Variants in PLCL2 observed in about 807,000 individuals in gnomAD.
The protein encoded by PLCL2 is phospholipase C like 2, also known as inactive phospholipase C-like protein 2.
A neutral mutation model predicts 79.6 loss-of-function variants in PLCL2; 4 were observed. The observed-to-expected ratio is 0.05, with a 90% CI of 0.02 to 0.11. The LOEUF (loss-of-function observed/expected upper bound fraction) is 0.11, where lower values mean the gene tolerates loss of function less well. Ranked by LOEUF, PLCL2 falls within the 10% of genes least tolerant of loss-of-function variation. PLCL2 has a pLI of 1.00. For missense variants in PLCL2, 895 were observed against 1,291.0 expected, an observed-to-expected ratio of 0.69 and a Z score of 4.70; for synonymous variants, 484 against 457.7, an observed-to-expected ratio of 1.06 and a Z score of -0.73.
intron 4 of PLCL2, among the ~76,000 whole-genome samples, chr3:17,045,804 A>G (rs1339578923): frequency 1.3e-5 from 2 of 152,362 alleles, no homozygotes; most frequent in Admixed American, 1.3e-4. Context: ...ACTTGACCTC[A>G]GAAAGGGAGA....
intron 1 of PLCL2, among the ~76,000 whole-genome samples, chr3:16,901,082 CT>C (rs1696606187): frequency 1.3e-5 from 2 of 152,218 alleles, no homozygotes; most frequent in Middle Eastern, 3.4e-3. Context: ...GAAAAATTAA[CT>C]GCTCCACTGC....
intron 1 of PLCL2, among the ~76,000 whole-genome samples, chr3:17,002,475 A>G (rs1011890104): frequency 6.6e-6 from 1 of 152,134 alleles, no homozygotes; most frequent in Non-Finnish European, 1.5e-5. Context: ...ATTTTTCCCC[A>G]TCATCTGAAC....
intron 1 of PLCL2, among the ~76,000 whole-genome samples, chr3:16,955,628 A>T (rs918046260): frequency 4.6e-5 from 7 of 152,250 alleles, no homozygotes; most frequent in African/African-American, 1.4e-4. Context: ...CAGTATGGCC[A>T]TTTTCACCAT....
At chr3:16,889,152 C>T (rs1330754747) in intron 1 of PLCL2, among the ~76,000 whole-genome samples, 8 of 152,154 alleles carry the variant, frequency 5.3e-5, no homozygotes, top group African/African-American at 1.4e-4. Flanking sequence ...ATGCAAAACA[C>T]GTGAAAAGTG....
At chr3:16,999,174 C>T (rs995412660) in intron 1 of PLCL2, among the ~76,000 whole-genome samples, 6 of 151,168 alleles carry the variant, frequency 4.0e-5, no homozygotes, top group Non-Finnish European at 4.4e-5. Flanking sequence ...GTTTTTTTTC[C>T]CTATGGGTGT....
At chr3:16,963,634 A>G (rs2063776503) in intron 1 of PLCL2, among the ~76,000 whole-genome samples, 1 of 152,132 alleles carries the variant, frequency 6.6e-6, no homozygotes. Context: ...ATCTTATTTA[A>G]CCCCCAGCAT....
chr3:16,931,941 T>C (rs939729437), intron 1 of PLCL2, among the ~76,000 whole-genome samples: 6 of 152,118 alleles, frequency 3.9e-5, no homozygotes, highest in African/African-American at 1.4e-4. Context: ...TGAATGGGAT[T>C]AGTGCCCTTA....
At chr3:17,003,791 G>T (rs2064232807) in intron 1 of PLCL2, among the ~76,000 whole-genome samples, 1 of 152,144 alleles carries the variant, frequency 6.6e-6, no homozygotes, top group Admixed American at 6.5e-5. Flanking sequence ...AAGAGGTTCT[G>T]CTACCCCCTG....
intron 1 of PLCL2, among the ~76,000 whole-genome samples, chr3:16,980,304 G>C (rs1335952541): frequency 6.7e-6 from 1 of 149,140 alleles, no homozygotes; most frequent in Admixed American, 6.6e-5. Flanking sequence ...TGGACGGGGC[G>C]GCTGGCCGGG....
chr3:16,959,010 A>G (rs1382753579), intron 1 of PLCL2, among the ~76,000 whole-genome samples: 1 of 152,120 alleles, frequency 6.6e-6, no homozygotes, highest in Non-Finnish European at 1.5e-5. Flanking sequence ...GATTTATATT[A>G]TCCTTCCAGC....
At chr3:16,943,448 G>A (rs1489879627) in intron 1 of PLCL2, among the ~76,000 whole-genome samples, 2 of 152,164 alleles carry the variant, frequency 1.3e-5, no homozygotes, top group African/African-American at 2.4e-5. Flanking sequence ...AGCAAATTAT[G>A]AAGGAAATAG....
rs938660599 is a variant in PLCL2 at position 16,948,364 on chromosome 3, G to T, written c.328-61310G>T. 2.0e-5 allele frequency among the ~76,000 whole-genome samples: 3 copies of T among 152,222 alleles called. 1 individual carries two copies. The highest frequency in any genetic ancestry group is 2.1e-4 in the South Asian group (1 of 4,824). ...TAGTGGTTGCCTAGGGCTGGGGTCG[G>T]GGGTTGGGGGGACAAGGGGAGTGAC... is the stretch of plus-strand genomic sequence containing the variant. On this transcript the variant is annotated intron_variant, in intron 1 of 5. Coordinates refer to ENST00000615277, the MANE Select transcript of PLCL2 (RefSeq NM_001144382.2).
At chr3:16,958,553 G>T (rs1465241006) in intron 1 of PLCL2, among the ~76,000 whole-genome samples, 1 of 152,182 alleles carries the variant, frequency 6.6e-6, no homozygotes, top group African/African-American at 2.4e-5. Flanking sequence ...TAATTGAAAT[G>T]AGTGACATTT....
intron 1 of PLCL2, among the ~76,000 whole-genome samples, chr3:16,899,196 G>A (rs1235874583): frequency 6.6e-6 from 1 of 152,218 alleles, no homozygotes; most frequent in African/African-American, 2.4e-5. Flanking sequence ...TGGAGCTGTG[G>A]CCACTGTGGA....
At chr3:17,076,459 A>G (rs571024649) in intron 5 of PLCL2, among the ~76,000 whole-genome samples, 16 of 152,156 alleles carry the variant, frequency 1.1e-4, no homozygotes, top group African/African-American at 2.9e-4. Flanking sequence ...ATATTATCCC[A>G]CAATCACAGA....
At chr3:16,973,416 A>G (rs2063894076) in intron 1 of PLCL2, among the ~76,000 whole-genome samples, 1 of 144,302 alleles carries the variant, frequency 6.9e-6, no homozygotes, top group Admixed American at 7.1e-5. Context: ...TGGGGATGTC[A>G]TCTTGTATAG....
rs1456219188 is a variant in PLCL2 at position 17,089,874 on chromosome 3, G to A, written c.3346G>A (p.Val1116Ile). Residue 1116 changes from valine (V) to isoleucine (I), a missense_variant, in exon 6 of 6, where the codon GTC becomes ATC. Around this residue, in one of 6 missense-constraint regions of PLCL2, gnomAD observed 298 missense variants for 459.6 expected, o/e 0.65. Coordinates refer to ENST00000615277, the MANE Select transcript of PLCL2 (RefSeq NM_001144382.2). Reference sequence around the variant, plus strand: ...CCAGAAGCCACGCCGGAGCTTGGAAGTCATACCCGAAAAAGCAAACGATGA... The same window carrying A: ...CCAGAAGCCACGCCGGAGCTTGGAAATCATACCCGAAAAAGCAAACGATGA... ...DVQKPRRSLE[V>I]IPEKANDETG... 1 of 1,613,726 alleles carries A rather than the reference G, an allele frequency of 6.2e-7. No individual in the cohort carries two copies. Among genetic ancestry groups the A allele is most frequent in the Admixed American group, 1.7e-5 (1 of 59,922 alleles).
chr3:17,019,854 G>C (rs1186423700), intron 3 of PLCL2, among the ~76,000 whole-genome samples: 1 of 152,134 alleles, frequency 6.6e-6, no homozygotes, highest in African/African-American at 2.4e-5. Context: ...TGACAATCAA[G>C]ATCAAGATTG....
At chr3:16,972,118 A>C (rs905348450) in intron 1 of PLCL2, among the ~76,000 whole-genome samples, 6 of 152,116 alleles carry the variant, frequency 3.9e-5, no homozygotes, top group Non-Finnish European at 7.3e-5. Context: ...GAAAACTGGC[A>C]CAAGACAGGG....
Sources: allele counts gnomAD v4.1 joint callset (sites outside exome capture counted in the v4.1 genomes callset), GRCh38; gene constraint gnomAD v4.1.1; regional missense constraint gnomAD v4.1.1; transcripts MANE v1.5; gene names NCBI Gene and HGNC (gene_info 2026-07-23, HGNC 2026-07-21).